The following MRPL47 variants were observed in gnomAD, a reference collection of about 807,000 sequenced individuals.
The protein encoded by MRPL47 is large ribosomal subunit protein uL29m.
Under a neutral mutation model 34.0 loss-of-function variants are expected in MRPL47, and 31 were observed. The observed-to-expected ratio is 0.91, with a 90% CI of 0.68 to 1.23. The LOEUF (loss-of-function observed/expected upper bound fraction) is 1.23. Ranked by LOEUF, MRPL47 falls within the 50% of genes most tolerant of loss-of-function variation. The pLI, the probability that MRPL47 is intolerant of heterozygous loss-of-function variation, is 0.00. For synonymous variants in MRPL47, 106 were observed against 101.6 expected (o/e 1.04, Z -0.26); for missense variants, 328 against 285.8 (o/e 1.15, Z -1.07).
intron 3 of MRPL47, among the ~76,000 whole-genome samples, chr3:179,600,718 G>C (rs577533079): frequency 1.1e-4 from 17 of 152,264 alleles, no homozygotes; most frequent in African/African-American, 4.1e-4. Context: ...AGTAGACATA[G>C]TGAAAGAACC....
chr3:179,592,346 C>T (rs980557498), intron 6 of MRPL47, among the ~76,000 whole-genome samples: 1 of 152,076 alleles, frequency 6.6e-6, no homozygotes, highest in African/African-American at 2.4e-5. Context: ...AGGTGCCCAC[C>T]ACCATGTCCG....
At chr3:179,598,425 C>CACACACACACA (rs1718841949) in intron 4 of MRPL47, among the ~76,000 whole-genome samples, 1 of 125,908 alleles carries the variant, frequency 7.9e-6, no homozygotes, top group African/African-American at 3.2e-5. Context: ...CACACACACA[C>CACACACACACA]AAACAAAAAA....
intron 5 of MRPL47, 103 bp downstream of exon 5, chr3:179,593,662 T>A (rs1718724075): frequency 1.9e-6 from 2 of 1,050,810 alleles, no homozygotes; most frequent in Non-Finnish European, 2.7e-6. Flanking sequence ...ATCTCTAATA[T>A]TATCTCATAT....
At chr3:179,599,798 G>T (rs1488464257) in intron 3 of MRPL47, among the ~76,000 whole-genome samples, 2 of 152,212 alleles carry the variant, frequency 1.3e-5, no homozygotes, top group East Asian at 1.9e-4. Flanking sequence ...CAGAGCTAAA[G>T]TGAAGGCAGA....
chr3:179,590,209 C>G (rs974837070), intron 6 of MRPL47, among the ~76,000 whole-genome samples: 1 of 151,970 alleles, frequency 6.6e-6, no homozygotes, highest in Non-Finnish European at 1.5e-5. Context: ...CGTGGTGGCA[C>G]ATGCCTGTAG....
intron 3 of MRPL47, among the ~76,000 whole-genome samples, chr3:179,600,592 A>C (rs1718904851): frequency 6.6e-6 from 1 of 152,370 alleles, no homozygotes; most frequent in Non-Finnish European, 1.5e-5. Flanking sequence ...CAGTGAGCCA[A>C]GATCACGCCA....
chr3:179,603,095 AG>A (rs1013266331), intron 1 of MRPL47, among the ~76,000 whole-genome samples: 2 of 152,172 alleles, frequency 1.3e-5, no homozygotes, highest in Non-Finnish European at 2.9e-5. Context: ...AAAATGCTTT[AG>A]AAAGTATTGT....
chr3:179,602,841 T>C, intron 1 of MRPL47, 44 bp from the exon 2 acceptor site: 2 of 1,438,290 alleles, frequency 1.4e-6, no homozygotes, highest in Non-Finnish European at 1.9e-6. Context: ...TTATAATATC[T>C]GGATTTTATA....
chr3:179,590,790 GAC>G (rs1477705665), intron 6 of MRPL47, among the ~76,000 whole-genome samples: 2 of 151,802 alleles, frequency 1.3e-5, no homozygotes, highest in East Asian at 3.9e-4. Flanking sequence ...ATTTGATGAA[GAC>G]ACAGACTGCA....
intron 1 of MRPL47, 39 bp from the exon 2 acceptor site, chr3:179,602,836 A>C (rs371378315): frequency 8.0e-6 from 12 of 1,495,628 alleles, no homozygotes; most frequent in Non-Finnish European, 1.1e-5. Flanking sequence ...AAGTTTTATA[A>C]TATCTGGATT....
intron 4 of MRPL47, 119 bp from the exon 5 acceptor site, chr3:179,594,014 C>T (rs1718735629): frequency 3.3e-6 from 3 of 912,234 alleles, no homozygotes; most frequent in South Asian, 1.7e-5. Flanking sequence ...CAAAGAACCA[C>T]TCTGTTAAGT....
intron 5 of MRPL47, 49 bp from the exon 6 acceptor site, chr3:179,592,788 A>C (rs760194212): frequency 8.4e-7 from 1 of 1,185,162 alleles, no homozygotes; most frequent in Non-Finnish European, 1.2e-6. Context: ...CATTTAATAC[A>C]TTTTCACTTT....
At chr3:179,590,033 T>C (rs1718633768) in intron 6 of MRPL47, among the ~76,000 whole-genome samples, 1 of 152,140 alleles carries the variant, frequency 6.6e-6, no homozygotes. Context: ...TGATACATTC[T>C]CATACATTAT....
In MRPL47 at chr3:179,602,675, C is replaced by A. The variant is rs772139582; in HGVS notation, c.221G>T (p.Trp74Leu). The A allele has an allele frequency of 1.2e-6, 2 of 1,611,394 alleles. No homozygotes were observed. The highest frequency in any genetic ancestry group is 1.1e-5 in the South Asian group (1 of 90,600). ...LEEFFDDPKN[W>L]GQEKVKSGAA... ...ACCAGATTTTACTTTTTCTTGCCCC[C>A]AGTTTTTTGGGTCATCAAAAAATTC... Residue 74 changes from tryptophan (W) to leucine (L), a missense_variant, in exon 2 of 7, where the codon TGG becomes TTG. Coordinates refer to ENST00000476781, the MANE Select transcript of MRPL47 (RefSeq NM_020409.3).
chr3:179,600,739 C>T (rs112410461), intron 3 of MRPL47, among the ~76,000 whole-genome samples: 2 of 152,196 alleles, frequency 1.3e-5, no homozygotes, highest in African/African-American at 4.8e-5. Flanking sequence ...ACAGGGTGGC[C>T]GAGAAGTGGT....
chr3:179,596,223 C>A (rs895602508), intron 4 of MRPL47, among the ~76,000 whole-genome samples: 27 of 152,196 alleles, frequency 1.8e-4, no homozygotes, highest in African/African-American at 6.3e-4. Context: ...TATGCTTCAA[C>A]TGGATATCAA....
intron 1 of MRPL47, 55 bp downstream of exon 1, chr3:179,604,472 C>A (rs1242324029): frequency 4.6e-6 from 7 of 1,535,700 alleles, no homozygotes; most frequent in African/African-American, 1.4e-5. Flanking sequence ...ATCTCGGCAA[C>A]CAAACAAGAT....
chr3:179,596,896 G>T (rs1718800292), intron 4 of MRPL47, among the ~76,000 whole-genome samples: 1 of 152,284 alleles, frequency 6.6e-6, no homozygotes, highest in South Asian at 2.1e-4. Flanking sequence ...CTCTGAATAA[G>T]ATCTGTAGAT....
chr3:179,601,868 T>C, intron 2 of MRPL47, 78 bp from the exon 3 acceptor site: 1 of 909,902 alleles, frequency 1.1e-6, no homozygotes, highest in African/African-American at 1.7e-5. Context: ...TCTCTAAACC[T>C]GTCTAAACCT....
Sources: gnomAD v4.1 joint callset for allele counts (sites outside exome capture counted in the v4.1 genomes callset) on GRCh38, gnomAD v4.1.1 for gene constraint, MANE v1.5 for transcripts, NCBI Gene and HGNC (gene_info 2026-07-23, HGNC 2026-07-21) for gene names.